The following QSER1 variants were observed in gnomAD, a reference collection of about 807,000 sequenced individuals.
QSER1 encodes glutamine and serine rich 1.
A neutral mutation model predicts 158.5 loss-of-function variants in QSER1; 49 were observed. The observed-to-expected ratio is 0.31, with a 90% CI of 0.25 to 0.39. QSER1 has a LOEUF of 0.39. QSER1 is among the 10% of genes least tolerant of loss of function. QSER1 has a pLI of 1.00. For missense variants in QSER1, 1,754 were observed against 2,010.3 expected, an observed-to-expected ratio of 0.87 and a Z score of 2.44; for synonymous variants, 650 against 715.5, an observed-to-expected ratio of 0.91 and a Z score of 1.46.
intron 4 of QSER1, among the ~76,000 whole-genome samples, chr11:32,952,700 G>T (rs1852443193): frequency 6.7e-6 from 1 of 150,000 alleles, no homozygotes; most frequent in South Asian, 2.1e-4. Context: ...ATTATCCAGT[G>T]AAGCCATATG....
chr11:32,952,184 C>T (rs1852433411), intron 4 of QSER1, among the ~76,000 whole-genome samples: 1 of 152,160 alleles, frequency 6.6e-6, no homozygotes, highest in Non-Finnish European at 1.5e-5. Flanking sequence ...GCAAATATAG[C>T]TTTGCTTCTT....
chr11:32,972,104 A>G (rs1852873296), intron 10 of QSER1, among the ~76,000 whole-genome samples: 1 of 151,154 alleles, frequency 6.6e-6, no homozygotes, highest in Non-Finnish European at 1.5e-5. Flanking sequence ...TCAGGGCCCC[A>G]ATACCAGGTG....
intron 11 of QSER1, among the ~76,000 whole-genome samples, chr11:32,974,011 T>C (rs1852922237): frequency 1.3e-5 from 2 of 152,326 alleles, no homozygotes; most frequent in South Asian, 4.1e-4. Context: ...AAAGATGAAA[T>C]GTTTATTTCA....
intron 1 of QSER1, among the ~76,000 whole-genome samples, chr11:32,910,398 G>A (rs1194643714): frequency 6.6e-6 from 1 of 152,116 alleles, no homozygotes; most frequent in East Asian, 1.9e-4. Flanking sequence ...TATCCCCAGT[G>A]CCTTGCTCAT....
chr11:32,976,084 T>G (rs1852971949), intron 12 of QSER1, among the ~76,000 whole-genome samples: 1 of 152,188 alleles, frequency 6.6e-6, no homozygotes. Context: ...AAATGCAGAA[T>G]CGACTCCAAA....
At chr11:32,938,208 A>ATAG (rs1210878498) in intron 4 of QSER1, among the ~76,000 whole-genome samples, 1 of 152,194 alleles carries the variant, frequency 6.6e-6, no homozygotes, top group Non-Finnish European at 1.5e-5. Flanking sequence ...CAGTCAGTAT[A>ATAG]TAGTAACCTC....
rs1400966344 is a variant in QSER1, at chr11:32,935,149, T to C, written c.3891T>C (p.Leu1297=). The change falls in exon 4 of 13, where the codon CTT becomes CTC. Residue 1297 remains leucine, a synonymous_variant. Transcript: ENST00000650167. ...GGCCCAAGCAGCAGTTTTCCACTCT[T>C]GCTGTACGAATGCCTAACAGGACTA... ...KSGPKQQFST[L]AVRMPNRTRR... 1 of 1,613,964 alleles carries C rather than the reference T, an allele frequency of 6.2e-7. No individual in the cohort carries two copies. The highest frequency in any genetic ancestry group is 1.1e-5 in the South Asian group (1 of 91,092).
intron 4 of QSER1, among the ~76,000 whole-genome samples, chr11:32,951,705 CTTAATT>C (rs1053362351): frequency 9.9e-5 from 15 of 151,902 alleles, no homozygotes; most frequent in Non-Finnish European, 1.8e-4. Flanking sequence ...GAATTGTGTT[CTTAATT>C]TTATTTTTTG....
In QSER1 at chr11:32,906,357, G is replaced by A. The variant is rs186385911; in HGVS notation, c.209+13023G>A. Among the ~76,000 whole-genome samples, 799 of 152,248 alleles carry A rather than the reference G, an allele frequency of 5.2e-3. 10 individuals carry two copies. Among genetic ancestry groups the A allele is most frequent in the African/African-American group, 0.018 (756 of 41,562 alleles). On this transcript the variant is annotated intron_variant, in intron 1 of 12. Transcript: ENST00000650167. ...GAATCGCTTGAACCTAGGAGGCAGA[G>A]GTTGCAGTGAGCCGAGATCGGCGCC...
Position 32,944,864 on chromosome 11 carries a change from G to A in QSER1, c.4178-8993G>A, listed in dbSNP as rs1852302777. Among the ~76,000 whole-genome samples, 6 of 140,536 alleles carry A rather than the reference G, an allele frequency of 4.3e-5. No homozygotes were observed. In the South Asian group the frequency reaches 1.5e-3, roughly 35 times the overall value. 92.2% of individuals were successfully genotyped at this position (140,536 alleles called of 152,430 possible). The stretch of plus-strand genomic sequence containing the variant: ...TAAATTCTCCCATTATTAATGTGTG[G>A]GAGTCTAAGTCTCTTTGTAGGTCAC... On this transcript the variant is annotated intron_variant, in intron 4 of 12. Coordinates refer to ENST00000650167, the MANE Select transcript of QSER1 (RefSeq NM_001076786.3).
chr11:32,960,065 T>C (rs1489803600), intron 8 of QSER1, among the ~76,000 whole-genome samples: 3 of 152,006 alleles, frequency 2.0e-5, no homozygotes, highest in Admixed American at 6.5e-5. Context: ...CTGTGCCCAG[T>C]CTAAATGTAC....
In QSER1 at chr11:32,935,202, C is replaced by T. The variant is rs1251595796; in HGVS notation, c.3944C>T (p.Thr1315Ile). 9.9e-6 allele frequency: 16 copies of T among 1,613,814 alleles called. No homozygotes were observed. Among genetic ancestry groups the T allele is most frequent in the Non-Finnish European group, 1.4e-5 (16 of 1,179,912 alleles). ...CGGCCAGGGACCCAGATGGTTCGTA[C>T]ATTTTGTCCCCCACCACTTCCCAAG... is the stretch of plus-strand genomic sequence containing the variant. ...TRRPGTQMVR[T>I]FCPPPLPKPS... Residue 1315 changes from threonine (T) to isoleucine (I), a missense_variant, in exon 4 of 13, where the codon ACA (threonine) becomes ATA (isoleucine). Physicochemically the swap from Thr to Ile is moderately conservative, Grantham distance 89. Coordinates refer to ENST00000650167, the MANE Select transcript of QSER1 (RefSeq NM_001076786.3).
intron 2 of QSER1, among the ~76,000 whole-genome samples, 197 bp from the exon 3 acceptor site, chr11:32,927,765 T>G (rs1851993032): frequency 6.6e-6 from 1 of 152,182 alleles, no homozygotes; most frequent in Admixed American, 6.5e-5. Flanking sequence ...AAGATCTTCT[T>G]TCATGCATCT....
At chr11:32,949,301 TAGAA>T (rs1231068749) in intron 4 of QSER1, among the ~76,000 whole-genome samples, 1 of 152,188 alleles carries the variant, frequency 6.6e-6, no homozygotes, top group Non-Finnish European at 1.5e-5. Context: ...ACATATAACT[TAGAA>T]AGTATTTGTA....
intron 4 of QSER1, among the ~76,000 whole-genome samples, chr11:32,953,449 G>A (rs1179265102): frequency 6.6e-6 from 1 of 151,870 alleles, no homozygotes; most frequent in African/African-American, 2.4e-5. Context: ...GAACTCCTGG[G>A]CCCAAGCAAT....
intron 3 of QSER1, among the ~76,000 whole-genome samples, chr11:32,929,644 A>G (rs1454766822): frequency 6.6e-6 from 1 of 152,228 alleles, no homozygotes; most frequent in Non-Finnish European, 1.5e-5. Flanking sequence ...CATACACAAC[A>G]TATAAATACA....
Position 32,932,848 on chromosome 11 carries a change from A to G in QSER1, c.1590A>G (p.Val530=), listed in dbSNP as rs1852073345. ...TLNYSSNQQE[V]LSSVTNENYP... ...ATTATTCATCTAATCAGCAAGAGGTATTGTCTTCAGTTACAAATGAGAATT... is the reference window on the plus strand; with the variant it reads ...ATTATTCATCTAATCAGCAAGAGGTGTTGTCTTCAGTTACAAATGAGAATT... Residue 530 remains valine, a synonymous_variant, in exon 4 of 13, where the codon GTA becomes GTG. Coordinates refer to ENST00000650167, the MANE Select transcript of QSER1 (RefSeq NM_001076786.3). 1.2e-6 allele frequency: 2 copies of G among 1,614,044 alleles called. No individual in the cohort carries two copies. The highest frequency in any genetic ancestry group is 4.5e-5 in the East Asian group (2 of 44,878).
At chr11:32,920,741 G>A (rs1157722781) in intron 1 of QSER1, among the ~76,000 whole-genome samples, 1 of 152,320 alleles carries the variant, frequency 6.6e-6, no homozygotes, top group South Asian at 2.1e-4. Flanking sequence ...CAAGTGGTCA[G>A]TAAGCACATG....
intron 1 of QSER1, among the ~76,000 whole-genome samples, chr11:32,895,875 TGTTA>T (rs1851547912): frequency 1.3e-5 from 2 of 152,250 alleles, no homozygotes; most frequent in African/African-American, 4.8e-5. Flanking sequence ...ACAACAGCTC[TGTTA>T]GTTATTAGGT....
Sources: gnomAD v4.1 joint callset for allele counts (sites outside exome capture counted in the v4.1 genomes callset) on GRCh38, gnomAD v4.1.1 for gene constraint, MANE v1.5 for transcripts, NCBI Gene and HGNC (gene_info 2026-07-23, HGNC 2026-07-21) for gene names.